The following RIDA variants were observed in gnomAD, a reference collection of about 807,000 sequenced individuals.
RIDA encodes the protein 2-iminobutanoate/2-iminopropanoate deaminase.
RIDA carries 17 observed loss-of-function variants against 17.8 expected under a neutral mutation model. The ratio of observed to expected loss-of-function variants is 0.96; its 90% CI spans 0.65 to 1.43. RIDA has a LOEUF of 1.43. RIDA is among the 40% of genes most tolerant of loss of function. RIDA has a pLI of 0.00. For synonymous variants in RIDA, 48 were observed against 55.7 expected, an observed-to-expected ratio of 0.86 and a Z score of 0.62; for missense variants, 158 against 161.7, an observed-to-expected ratio of 0.98 and a Z score of 0.12.
chr8:98,105,755 G>A (rs1319412471), intron 4 of RIDA, among the ~76,000 whole-genome samples, 183 bp downstream of exon 4: 2 of 152,156 alleles, frequency 1.3e-5, no homozygotes, highest in Non-Finnish European at 2.9e-5. Flanking sequence ...CAATAGAAAT[G>A]TCTTAGAACT....
intron 1 of RIDA, among the ~76,000 whole-genome samples, chr8:98,112,863 ACT>A (rs1281691073): frequency 6.6e-6 from 1 of 152,062 alleles, no homozygotes; most frequent in Non-Finnish European, 1.5e-5. Flanking sequence ...GTAAAAAGAA[ACT>A]CTTTTATTTT....
intron 1 of RIDA, among the ~76,000 whole-genome samples, chr8:98,109,955 A>G (rs948658817): frequency 3.9e-5 from 6 of 152,140 alleles, no homozygotes; most frequent in African/African-American, 1.2e-4. Flanking sequence ...ATGAAAACAT[A>G]TGTCCAAAGA....
At chr8:98,113,355 T>C (rs778452520) in intron 1 of RIDA, among the ~76,000 whole-genome samples, 2 of 152,222 alleles carry the variant, frequency 1.3e-5, no homozygotes, top group Non-Finnish European at 2.9e-5. Context: ...AAAAGTGTAC[T>C]CACTACACAC....
In RIDA at chr8:98,105,748, T is replaced by C. The variant is rs373993463; in HGVS notation, c.295+190A>G. Among the ~76,000 whole-genome samples, 172 of 152,332 alleles carry C rather than the reference T, an allele frequency of 1.1e-3. 3 individuals carry two copies. The highest frequency in any genetic ancestry group is 3.4e-3 in the African/African-American group (143 of 41,574). ...CAGTATATTGTTTTAGGGAATGCAA[T>C]AGAAATGTCTTAGAACTTTTTCATG... On this transcript the variant is annotated intron_variant, in intron 4 of 5. Transcript: ENST00000254878.
intron 5 of RIDA, 33 bp from the exon 6 acceptor site, chr8:98,102,937 A>C: frequency 6.5e-7 from 1 of 1,547,862 alleles, no homozygotes; most frequent in Non-Finnish European, 8.9e-7. Context: ...TGTTGTAATC[A>C]TTTTGTACAA....
intron 1 of RIDA, among the ~76,000 whole-genome samples, 155 bp downstream of exon 1, chr8:98,116,877 G>T (rs1815843591): frequency 1.3e-5 from 2 of 152,214 alleles, no homozygotes; most frequent in Admixed American, 6.5e-5. Context: ...TCCCATCGTG[G>T]CTCCCAACTC....
intron 1 of RIDA, among the ~76,000 whole-genome samples, chr8:98,114,866 A>G (rs920421990): frequency 5.0e-4 from 75 of 151,294 alleles, no homozygotes; most frequent in Middle Eastern, 6.8e-3. Context: ...ACAGTCTTAC[A>G]TAGTAAGAAA....
At chr8:98,109,247 G>A (rs1387876664) in intron 1 of RIDA, among the ~76,000 whole-genome samples, 1 of 152,018 alleles carries the variant, frequency 6.6e-6, no homozygotes, top group East Asian at 1.9e-4. Context: ...TAGATTGGGA[G>A]AAAAATATTT....
intron 4 of RIDA, among the ~76,000 whole-genome samples, chr8:98,105,203 G>A (rs1232771592): frequency 1.4e-5 from 2 of 147,430 alleles, no homozygotes; most frequent in African/African-American, 5.0e-5. Flanking sequence ...TGTTTTTAAA[G>A]TGATATTTAT....
At chr8:98,110,287 G>C (rs1815707184) in intron 1 of RIDA, among the ~76,000 whole-genome samples, 1 of 152,058 alleles carries the variant, frequency 6.6e-6, no homozygotes, top group Non-Finnish European at 1.5e-5. Context: ...TTTTGAGATG[G>C]AGTCTCACTC....
In RIDA at chr8:98,104,537, C is replaced by G. The variant is rs373486688; in HGVS notation, c.303G>C (p.Lys101Asn). The G allele has an allele frequency of 8.2e-6, 13 of 1,579,448 alleles. No individual in the cohort carries two copies. The highest frequency in any genetic ancestry group is 1.0e-5 in the Non-Finnish European group (12 of 1,150,826). Residue 101 changes from lysine (K) to asparagine (N), a missense_variant, in exon 5 of 6, where the codon AAG becomes AAC. By Grantham distance (94) the Lys-to-Asn change is moderately conservative. Transcript: ENST00000254878. ...AAGCAGCTCTAGCAGGAAAATTACT[C>G]TTGAAATCTGAATTTAAAAGAATTT... ...TVNEIYKQYFKSNFPARAAYQ... is the reference protein window; with the variant it reads ...TVNEIYKQYFNSNFPARAAYQ...
In RIDA at chr8:98,108,386, G is replaced by A. The variant is rs181601943; in HGVS notation, c.171+260C>T. ...CCAATCCATGTGGAAGTGGCAACATGTCATCTGACGTCAATAATTCAGGTT... is the reference window on the plus strand; with the variant it reads ...CCAATCCATGTGGAAGTGGCAACATATCATCTGACGTCAATAATTCAGGTT... On this transcript the variant is annotated intron_variant, in intron 2 of 5. Coordinates refer to ENST00000254878, the MANE Select transcript of RIDA (RefSeq NM_005836.3). 1.2e-3 allele frequency among the ~76,000 whole-genome samples: 176 copies of A among 150,818 alleles called. 5 individuals are homozygous for A. In the East Asian group the frequency reaches 0.029, roughly 25 times the overall value.
rs1815579894 is a variant in RIDA, at chr8:98,102,918, GA to G, written c.352-15del. On this transcript the variant is annotated splice_polypyrimidine_tract_variant and intron_variant, in intron 5 of 5. Coordinates refer to ENST00000254878, the MANE Select transcript of RIDA (RefSeq NM_005836.3). ...AATTCGGCTGCCCTGTGAGGAAAAT[GA>G]AAGAATTTGTTGTAATCATTTTGTA... 6.2e-7 allele frequency: 1 copy of G among 1,604,234 alleles called. No homozygotes were observed.
At chr8:98,107,915 A>T (rs920290478) in intron 2 of RIDA, among the ~76,000 whole-genome samples, 1 of 152,164 alleles carries the variant, frequency 6.6e-6, no homozygotes, top group Admixed American at 6.5e-5. Flanking sequence ...GACTACAGGC[A>T]CATGCCACCA....
At chr8:98,105,914 T>G in intron 4 of RIDA, 24 bp downstream of exon 4, 2 of 1,460,640 alleles carry the variant, frequency 1.4e-6, no homozygotes, top group Non-Finnish European at 1.9e-6. Context: ...AAATGGAAAA[T>G]AGGAATAAAG....
At chr8:98,106,397 C>G (rs1412817894) in intron 2 of RIDA, 71 bp from the exon 3 acceptor site, 2 of 1,259,620 alleles carry the variant, frequency 1.6e-6, no homozygotes, top group Non-Finnish European at 2.3e-6. Context: ...TTCAATTAAT[C>G]ATCTTTTACT....
chr8:98,102,900 C>T lies in RIDA; in HGVS notation c.356G>A (p.Ser119Asn). 6.2e-7 allele frequency: 1 copy of T among 1,612,518 alleles called. No individual in the cohort carries two copies. The highest frequency in any genetic ancestry group is 8.5e-7 in the Non-Finnish European group (1 of 1,178,862). The change falls in exon 6 of 6, where the codon AGC (serine) becomes AAC (asparagine). Residue 119 changes from serine (S) to asparagine (N), a missense_variant. Coordinates refer to ENST00000254878, the MANE Select transcript of RIDA (RefSeq NM_005836.3). ...AYQVAALPKG[S>N]RIEIEAVAIQ... ...AGCTACTGCTTCAATTTCAATTCGG[C>T]TGCCCTGTGAGGAAAATGAAAGAAT...
At position 98,104,522 on chromosome 8, in the gene RIDA, A is replaced by G. The variant is rs1457428186; in HGVS notation, c.318T>C (p.Ala106=). The G allele has an allele frequency of 1.9e-6, 3 of 1,592,958 alleles. No individual in the cohort carries two copies. Among genetic ancestry groups the G allele is most frequent in the African/African-American group, 2.7e-5 (2 of 74,496 alleles). ...YKQYFKSNFP[A]RAAYQVAALP... Reference sequence around the variant, plus strand: ...AAGCAGCAACTTGGTAAGCAGCTCTAGCAGGAAAATTACTCTTGAAATCTG... The same window carrying G: ...AAGCAGCAACTTGGTAAGCAGCTCTGGCAGGAAAATTACTCTTGAAATCTG... The change falls in exon 5 of 6, where the codon GCT becomes GCC. Residue 106 remains alanine (A), a synonymous_variant. Coordinates refer to ENST00000254878, the MANE Select transcript of RIDA (RefSeq NM_005836.3).
rs75481338 is a variant in RIDA, at chr8:98,102,848, T to C, written c.408A>G (p.Ser136=). 340 of 1,611,760 alleles carry C rather than the reference T, an allele frequency of 2.1e-4. 2 individuals carry two copies. The African/African-American group carries it at 4.3e-3, about 20-fold the overall frequency. ...TACACAGCACTGGGCCCACTTATAGTGATGCCGTTGTCAGTGGTCCTTGGA... is the reference window on the plus strand; with the variant it reads ...TACACAGCACTGGGCCCACTTATAGCGATGCCGTTGTCAGTGGTCCTTGGA... ...VAIQGPLTTA[S]L is the part of the protein sequence containing the mutation. Residue 136 remains serine (S), a synonymous_variant, in exon 6 of 6, where the codon TCA becomes TCG. Transcript: ENST00000254878.
Sources: gnomAD v4.1 joint callset for allele counts (sites outside exome capture counted in the v4.1 genomes callset) on GRCh38, gnomAD v4.1.1 for gene constraint, MANE v1.5 for transcripts, NCBI Gene and HGNC (gene_info 2026-07-23, HGNC 2026-07-21) for gene names.